Variants in CAMK1D observed in about 807,000 individuals in gnomAD.
CAMK1D encodes calcium/calmodulin dependent protein kinase ID, also known as calcium/calmodulin-dependent protein kinase type 1D.
A neutral mutation model predicts 47.7 loss-of-function variants in CAMK1D; 9 were observed. That is an observed-to-expected ratio of 0.19 (90% CI 0.11 to 0.33). The LOEUF is 0.33. Ranked by LOEUF, CAMK1D falls within the 10% of genes least tolerant of loss-of-function variation. CAMK1D has a pLI of 1.00. For synonymous variants in CAMK1D, 184 were observed against 184.9 expected, an observed-to-expected ratio of 0.99 and a Z score of 0.04; for missense variants, 291 against 488.7, an observed-to-expected ratio of 0.60 and a Z score of 3.81.
At chr10:12,651,493 G>A (rs1251302143) in intron 2 of CAMK1D, among the ~76,000 whole-genome samples, 2 of 152,086 alleles carry the variant, frequency 1.3e-5, no homozygotes, top group East Asian at 3.9e-4. Flanking sequence ...CCAGTCTCAG[G>A]AGATCCTCCC....
intron 2 of CAMK1D, among the ~76,000 whole-genome samples, chr10:12,568,860 G>C (rs541421693): frequency 2.0e-5 from 3 of 152,218 alleles, no homozygotes; most frequent in Non-Finnish European, 4.4e-5. Flanking sequence ...GAGGGAATTC[G>C]TTTTGGGAAT....
chr10:12,534,516 G>A (rs1177673516), intron 1 of CAMK1D, among the ~76,000 whole-genome samples: 1 of 152,142 alleles, frequency 6.6e-6, no homozygotes, highest in African/African-American at 2.4e-5. Context: ...ACATGCATGT[G>A]CCACCACGCC....
chr10:12,656,465 C>T (rs1311870482), intron 2 of CAMK1D, among the ~76,000 whole-genome samples: 1 of 151,982 alleles, frequency 6.6e-6, no homozygotes, highest in Non-Finnish European at 1.5e-5. Flanking sequence ...GCGCTCCAGC[C>T]TGGGTGACGG....
intron 2 of CAMK1D, among the ~76,000 whole-genome samples, chr10:12,593,710 A>G (rs1031889283): frequency 1.3e-5 from 2 of 152,206 alleles, no homozygotes; most frequent in Non-Finnish European, 2.9e-5. Context: ...AATTGTGAAT[A>G]AACAAAATAC....
chr10:12,583,829 G>A (rs1837735673), intron 2 of CAMK1D, among the ~76,000 whole-genome samples: 1 of 152,092 alleles, frequency 6.6e-6, no homozygotes, highest in Non-Finnish European at 1.5e-5. Context: ...TCGATCTCCT[G>A]ACCTCGTGAT....
At chr10:12,469,151 G>T (rs1218183613) in intron 1 of CAMK1D, among the ~76,000 whole-genome samples, 2 of 152,102 alleles carry the variant, frequency 1.3e-5, no homozygotes, top group African/African-American at 4.8e-5. Flanking sequence ...CAAGGAGCCT[G>T]TTGTATTCTG....
chr10:12,680,729 A>G (rs1348708887), intron 3 of CAMK1D, among the ~76,000 whole-genome samples: 3 of 152,112 alleles, frequency 2.0e-5, no homozygotes, highest in Non-Finnish European at 4.4e-5. Flanking sequence ...GGAAGCATTT[A>G]GAATTCTGCT....
intron 3 of CAMK1D, among the ~76,000 whole-genome samples, chr10:12,669,274 T>A (rs935689002): frequency 1.3e-5 from 2 of 152,124 alleles, no homozygotes; most frequent in African/African-American, 2.4e-5. Context: ...GTCGTTAATA[T>A]GGGGCACACT....
chr10:12,690,931 T>G (rs528953267), intron 3 of CAMK1D, among the ~76,000 whole-genome samples: 46 of 152,286 alleles, frequency 3.0e-4, no homozygotes, highest in Admixed American at 1.0e-3. Context: ...CACCCTGTTA[T>G]GGCCACTAGG....
chr10:12,788,673 A>G (rs1837842100), intron 5 of CAMK1D, among the ~76,000 whole-genome samples: 1 of 152,216 alleles, frequency 6.6e-6, no homozygotes, highest in Non-Finnish European at 1.5e-5. Context: ...CTCCTAAATC[A>G]GAAAGACATT....
At chr10:12,382,155 A>G (rs181143537) in intron 1 of CAMK1D, among the ~76,000 whole-genome samples, 4 of 152,348 alleles carry the variant, frequency 2.6e-5, no homozygotes, top group Non-Finnish European at 4.4e-5. Flanking sequence ...CTGACTGGAC[A>G]TTAAGTGGGG....
intron 3 of CAMK1D, among the ~76,000 whole-genome samples, chr10:12,692,463 G>A (rs1257077543): frequency 6.6e-6 from 1 of 152,156 alleles, no homozygotes; most frequent in African/African-American, 2.4e-5. Context: ...ACAAAAAGAT[G>A]TACCTAAGAT....
At chr10:12,580,107 G>A (rs559803677) in intron 2 of CAMK1D, among the ~76,000 whole-genome samples, 4 of 152,230 alleles carry the variant, frequency 2.6e-5, no homozygotes, top group South Asian at 2.1e-4. Flanking sequence ...GTGGAACCTC[G>A]CAGGGCCTTT....
chr10:12,799,283 G>A (rs896727401), intron 6 of CAMK1D, among the ~76,000 whole-genome samples: 1 of 152,212 alleles, frequency 6.6e-6, no homozygotes, highest in Admixed American at 6.5e-5. Context: ...AGTCAGCAAA[G>A]AGGACACGCC....
rs776259579 is a variant in CAMK1D, at chr10:12,520,338, A to G, written c.93-32887A>G. The stretch of plus-strand genomic sequence containing the variant: ...TCCCCACTCAGACGATGGGCGGGTC[A>G]GGCAGAGATGCTCCTCACTTCCTAG... On this transcript the variant is annotated intron_variant, in intron 1 of 10. Transcript: ENST00000619168. 2.8e-3 allele frequency among the ~76,000 whole-genome samples: 252 copies of G among 89,144 alleles called. 69 individuals are homozygous for G. The highest frequency in any genetic ancestry group is 5.1e-3 in the Non-Finnish European group (212 of 41,892). 58.5% of individuals were successfully genotyped at this position (89,144 alleles called of 152,430 possible).
At chr10:12,639,164 G>T (rs567815496) in intron 2 of CAMK1D, among the ~76,000 whole-genome samples, 36 of 152,226 alleles carry the variant, frequency 2.4e-4, no homozygotes, top group Non-Finnish European at 2.9e-5. Context: ...CTATTTTCCT[G>T]CTTTAGCAAT....
intron 1 of CAMK1D, among the ~76,000 whole-genome samples, chr10:12,365,980 T>C (rs1346944529): frequency 6.6e-6 from 1 of 152,192 alleles, no homozygotes; most frequent in Non-Finnish European, 1.5e-5. Flanking sequence ...CCCTGGAACC[T>C]GGGAGCCGGA....
intron 2 of CAMK1D, among the ~76,000 whole-genome samples, chr10:12,567,742 G>A (rs1048353432): frequency 1.3e-5 from 2 of 152,106 alleles, no homozygotes; most frequent in Non-Finnish European, 2.9e-5. Context: ...TGTTGATGTC[G>A]TCGTTTGTTT....
intron 6 of CAMK1D, among the ~76,000 whole-genome samples, chr10:12,806,573 C>G (rs1469550053): frequency 6.6e-6 from 1 of 152,220 alleles, no homozygotes; most frequent in Admixed American, 6.5e-5. Context: ...CCTTTTGCAG[C>G]TCTGCAGCCC....
Sources: gnomAD v4.1 joint callset for allele counts (sites outside exome capture counted in the v4.1 genomes callset) on GRCh38, gnomAD v4.1.1 for gene constraint, MANE v1.5 for transcripts, NCBI Gene and HGNC (gene_info 2026-07-23, HGNC 2026-07-21) for gene names.